WWOX: variants seen among roughly 807,000 people sequenced by gnomAD.
The protein encoded by WWOX is WW domain containing oxidoreductase.
A neutral mutation model predicts 46.2 loss-of-function variants in WWOX; 69 were observed. The ratio of observed to expected loss-of-function variants is 1.49; its 90% CI spans 1.23 to 1.82. The LOEUF is 1.82. WWOX is among the 40% of genes most tolerant of loss of function. The probability of loss-of-function intolerance (pLI) is 0.00; values close to 1 mark genes in which losing one functional copy is unlikely to be tolerated. For synonymous variants in WWOX, 359 were observed against 202.6 expected (o/e 1.77, Z -6.56); for missense variants, 919 against 542.6 (o/e 1.69, Z -6.89).
At chr16:78,821,493 A>C (rs942694626) in intron 8 of WWOX, among the ~76,000 whole-genome samples, 2 of 152,212 alleles carry the variant, frequency 1.3e-5, no homozygotes, top group African/African-American at 4.8e-5. Context: ...GCCTTTGTCC[A>C]TTGTGTAATC....
At chr16:78,725,967 TCTCCTCCTCCTTCTC>T (rs1306380489) in intron 8 of WWOX, among the ~76,000 whole-genome samples, 1 of 151,106 alleles carries the variant, frequency 6.6e-6, no homozygotes, top group African/African-American at 2.4e-5. Flanking sequence ...TTTCTTTTCT[TCTCCTCCTCCTTCTC>T]CTTCTCCTCC....
At chr16:79,109,184 G>A (rs1381631316) in intron 8 of WWOX, among the ~76,000 whole-genome samples, 4 of 152,160 alleles carry the variant, frequency 2.6e-5, no homozygotes, top group Non-Finnish European at 5.9e-5. Context: ...AGGACTCTGT[G>A]TAAACTGTAC....
chr16:78,512,547 A>T (rs896403842), intron 8 of WWOX, among the ~76,000 whole-genome samples: 1 of 152,202 alleles, frequency 6.6e-6, no homozygotes. Context: ...TGGAATTTTT[A>T]AAAAAGCAAT....
intron 8 of WWOX, among the ~76,000 whole-genome samples, chr16:78,744,600 T>A (rs997630452): frequency 6.6e-6 from 1 of 151,676 alleles, no homozygotes; most frequent in Non-Finnish European, 1.5e-5. Context: ...CCTGGCTAAT[T>A]TTTGTATTTT....
At chr16:78,857,754 G>A (rs1020149380) in intron 8 of WWOX, among the ~76,000 whole-genome samples, 1 of 152,110 alleles carries the variant, frequency 6.6e-6, no homozygotes, top group Non-Finnish European at 1.5e-5. Context: ...CTCATAACTC[G>A]ATTTTCCAAA....
At chr16:78,718,092 G>GTTTTTTTTTTT in intron 8 of WWOX, among the ~76,000 whole-genome samples, 565 of 139,298 alleles carry the variant, frequency 4.1e-3, no homozygotes, top group Middle Eastern at 0.011. Flanking sequence ...GGTTCTGGTG[G>GTTTTTTTTTTT]TTGTATTTTT....
intron 5 of WWOX, among the ~76,000 whole-genome samples, chr16:78,333,502 A>T (rs763597983): frequency 6.6e-6 from 1 of 152,180 alleles, no homozygotes; most frequent in Non-Finnish European, 1.5e-5. Flanking sequence ...ATTTTGACAG[A>T]ATTTAAGATT....
intron 8 of WWOX, among the ~76,000 whole-genome samples, chr16:78,616,535 G>A (rs917626243): frequency 6.6e-6 from 1 of 151,892 alleles, no homozygotes; most frequent in African/African-American, 2.4e-5. Context: ...GCCGAGGCAG[G>A]TGTCTCGGTG....
chr16:78,910,207 A>G (rs1020522600), intron 8 of WWOX, among the ~76,000 whole-genome samples: 3 of 152,146 alleles, frequency 2.0e-5, no homozygotes, highest in East Asian at 1.9e-4. Flanking sequence ...CCAAAGAAGC[A>G]TGAACTGTCA....
intron 8 of WWOX, among the ~76,000 whole-genome samples, chr16:78,811,187 C>T (rs940508853): frequency 1.3e-5 from 2 of 152,194 alleles, no homozygotes; most frequent in Non-Finnish European, 2.9e-5. Flanking sequence ...TGTTTTGTGA[C>T]ATTCTTAGTT....
intron 8 of WWOX, among the ~76,000 whole-genome samples, chr16:78,779,009 G>A (rs1467193110): frequency 6.6e-6 from 1 of 152,294 alleles, no homozygotes; most frequent in East Asian, 1.9e-4. Flanking sequence ...GGGATGACCA[G>A]TCTGAATAAA....
At chr16:78,238,367 A>G (rs962515474) in intron 5 of WWOX, among the ~76,000 whole-genome samples, 4 of 145,278 alleles carry the variant, frequency 2.8e-5, no homozygotes, top group African/African-American at 1.0e-4. Flanking sequence ...TAGTGTGTTC[A>G]CAGCTCAGAG....
intron 6 of WWOX, among the ~76,000 whole-genome samples, chr16:78,424,062 T>C (rs966044009): frequency 2.0e-5 from 3 of 151,522 alleles, no homozygotes; most frequent in South Asian, 2.1e-4. Flanking sequence ...CCTGTGTCAG[T>C]TGTTTTGTTT....
intron 6 of WWOX, among the ~76,000 whole-genome samples, chr16:78,388,455 G>A (rs2082105550): frequency 6.6e-6 from 1 of 151,598 alleles, no homozygotes. Flanking sequence ...AGACCATCCT[G>A]GCCAACATTG....
At chr16:78,315,575 G>C (rs4887953) in intron 5 of WWOX, among the ~76,000 whole-genome samples, 66,965 of 151,954 alleles carry the variant, frequency 0.44, 15,359 homozygotes, top group East Asian at 0.74. Flanking sequence ...GCTTGAACCC[G>C]GGAAGCAGAG....
At chr16:78,734,704 A>C (rs751336814) in intron 8 of WWOX, among the ~76,000 whole-genome samples, 13 of 152,042 alleles carry the variant, frequency 8.6e-5, no homozygotes, top group Non-Finnish European at 1.5e-4. Context: ...CATTTAAATC[A>C]GTCACCTGAT....
chr16:79,206,208 C>T (rs534188481), intron 8 of WWOX: 1 of 152,362 alleles, frequency 6.6e-6, no homozygotes, highest in African/African-American at 2.4e-5. Context: ...GTTAGGGCAT[C>T]ACCTCATGGC....
At chr16:78,598,090 C>G (rs558567857) in intron 8 of WWOX, among the ~76,000 whole-genome samples, 2 of 152,274 alleles carry the variant, frequency 1.3e-5, no homozygotes, top group East Asian at 1.9e-4. Context: ...AGATTTTAGT[C>G]AATGTGCTTT....
At chr16:78,453,446 TTCA>T (rs2083740114) in intron 8 of WWOX, among the ~76,000 whole-genome samples, 1 of 152,014 alleles carries the variant, frequency 6.6e-6, no homozygotes, top group East Asian at 1.9e-4. Context: ...AAATTTCTTA[TTCA>T]GTTGATTTAA....
Sources: allele counts gnomAD v4.1 joint callset (sites outside exome capture counted in the v4.1 genomes callset), GRCh38; gene constraint gnomAD v4.1.1; transcripts MANE v1.5; gene names NCBI Gene and HGNC (gene_info 2026-07-23, HGNC 2026-07-21).